ME3: variants seen among roughly 807,000 people sequenced by gnomAD.
The protein encoded by ME3 is malic enzyme 3, also known as NADP-dependent malic enzyme, mitochondrial.
A neutral mutation model predicts 68.9 loss-of-function variants in ME3; 48 were observed. The observed-to-expected ratio is 0.70, with a 90% CI of 0.55 to 0.89. ME3 has a LOEUF of 0.89. Ranked by LOEUF, ME3 falls within the 40% of genes least tolerant of loss-of-function variation. The probability of loss-of-function intolerance (pLI) is 0.00; values close to 1 mark genes in which losing one functional copy is unlikely to be tolerated. For synonymous variants in ME3, 320 were observed against 318.8 expected, an observed-to-expected ratio of 1.00 and a Z score of -0.04; for missense variants, 675 against 797.4, an observed-to-expected ratio of 0.85 and a Z score of 1.85.
chr11:86,551,955 G>A (rs1218040587), intron 4 of ME3, among the ~76,000 whole-genome samples: 2 of 152,188 alleles, frequency 1.3e-5, no homozygotes, highest in African/African-American at 4.8e-5. Context: ...TGCTAGTTAA[G>A]TGCAAGTACA....
intron 14 of ME3, among the ~76,000 whole-genome samples, chr11:86,442,004 G>A (rs902275333): frequency 2.6e-5 from 4 of 152,164 alleles, no homozygotes; most frequent in Non-Finnish European, 5.9e-5. Context: ...TCTGGATTCT[G>A]TACCAGACAA....
intron 5 of ME3, among the ~76,000 whole-genome samples, chr11:86,502,776 G>C (rs1274736519): frequency 1.3e-5 from 2 of 152,164 alleles, no homozygotes; most frequent in Admixed American, 6.5e-5. Flanking sequence ...GGGGAGGTTT[G>C]GGGGAGGCTG....
At chr11:86,446,479 C>A (rs1949303193) in exon 13 of ME3, 3 of 1,614,094 alleles carry the variant, frequency 1.9e-6, no homozygotes, top group Non-Finnish European at 2.5e-6. Flanking sequence ...TGGCAAAAAT[C>A]CCTCGGCCCT....
At chr11:86,501,175 T>TATTATAATAATAATAATA (rs1555215053) in intron 5 of ME3, among the ~76,000 whole-genome samples, 1 of 147,138 alleles carries the variant, frequency 6.8e-6, no homozygotes, top group Non-Finnish European at 1.5e-5. Context: ...ATAAAATGCA[T>TATTATAATAATAATAATA]ATAATAATAA....
intron 5 of ME3, among the ~76,000 whole-genome samples, chr11:86,504,695 T>G (rs981381874): frequency 6.7e-6 from 1 of 148,380 alleles, no homozygotes; most frequent in Non-Finnish European, 1.5e-5. Context: ...TGCCCAGCCC[T>G]TTTTTGTTTT....
intron 7 of ME3, among the ~76,000 whole-genome samples, chr11:86,472,801 T>G (rs1008248225): frequency 1.3e-5 from 2 of 152,138 alleles, no homozygotes; most frequent in African/African-American, 4.8e-5. Flanking sequence ...GATTTAATAA[T>G]AGACCAGATA....
At chr11:86,643,044 A>G (rs1944767833) in intron 2 of ME3, among the ~76,000 whole-genome samples, 1 of 152,054 alleles carries the variant, frequency 6.6e-6, no homozygotes, top group African/African-American at 2.4e-5. Context: ...TACTGCTGTT[A>G]TGGAGCTCAA....
At chr11:86,479,163 C>G (rs1464642662) in intron 7 of ME3, among the ~76,000 whole-genome samples, 1 of 152,198 alleles carries the variant, frequency 6.6e-6, no homozygotes, top group African/African-American at 2.4e-5. Context: ...AATTCGTTCT[C>G]TCTTCTGAAT....
In ME3 at chr11:86,508,889, C is replaced by T. The variant is rs751885975; in HGVS notation, c.468-22G>A. 1.3e-5 allele frequency: 20 copies of T among 1,587,376 alleles called. No homozygotes were observed. The African/African-American group carries it at 2.2e-4, about 17-fold the overall frequency. On this transcript the variant is annotated intron_variant, in intron 4 of 14. Coordinates refer to ENST00000543262, the Ensembl canonical transcript of ME3. ...TCCACTAAAAGAAATAAAACACGTA[C>T]ACACAGAGAAACCAGGCAGTCAGAT...
intron 7 of ME3, among the ~76,000 whole-genome samples, chr11:86,485,766 C>T (rs549151697): frequency 2.6e-4 from 40 of 152,312 alleles, no homozygotes; most frequent in African/African-American, 8.2e-4. Context: ...TGCTCTTTCC[C>T]GTTTTCTCTT....
At chr11:86,551,168 T>C (rs997608974) in intron 4 of ME3, among the ~76,000 whole-genome samples, 1 of 152,038 alleles carries the variant, frequency 6.6e-6, no homozygotes, top group African/African-American at 2.4e-5. Context: ...GAAAAAGTAA[T>C]ACCCCTCCTT....
intron 2 of ME3, among the ~76,000 whole-genome samples, chr11:86,585,927 A>G (rs1405080406): frequency 6.6e-6 from 1 of 152,300 alleles, no homozygotes; most frequent in African/African-American, 2.4e-5. Context: ...GGAAGGCGTG[A>G]CCAACACTGC....
At chr11:86,447,452 G>A (rs1484365246) in intron 11 of ME3, among the ~76,000 whole-genome samples, 2 of 152,180 alleles carry the variant, frequency 1.3e-5, no homozygotes, top group Non-Finnish European at 2.9e-5. Flanking sequence ...CTGCTCCTGT[G>A]AAGGCATTCC....
At chr11:86,473,853 A>G (rs958719545) in intron 7 of ME3, among the ~76,000 whole-genome samples, 1 of 152,236 alleles carries the variant, frequency 6.6e-6, no homozygotes, top group African/African-American at 2.4e-5. Context: ...AATTGGGCAT[A>G]ATGATTATCT....
intron 4 of ME3, among the ~76,000 whole-genome samples, chr11:86,546,405 A>C (rs139249022): frequency 6.6e-6 from 1 of 152,200 alleles, no homozygotes; most frequent in Admixed American, 6.5e-5. Flanking sequence ...AAAATTTTGC[A>C]ATCTATCCAT....
At chr11:86,633,055 A>G (rs989046374) in intron 2 of ME3, among the ~76,000 whole-genome samples, 1 of 152,182 alleles carries the variant, frequency 6.6e-6, no homozygotes, top group Non-Finnish European at 1.5e-5. Flanking sequence ...AACTGCTGTG[A>G]GTCCGATATG....
chr11:86,558,878 G>A (rs1347328547), intron 3 of ME3, among the ~76,000 whole-genome samples: 1 of 152,156 alleles, frequency 6.6e-6, no homozygotes, highest in Non-Finnish European at 1.5e-5. Context: ...ACCCATAGAG[G>A]CTAAGTAACT....
At chr11:86,450,993 G>T (rs973194847) in intron 8 of ME3, among the ~76,000 whole-genome samples, 1 of 152,140 alleles carries the variant, frequency 6.6e-6, no homozygotes, top group Non-Finnish European at 1.5e-5. Flanking sequence ...GCCTCACTGG[G>T]GATTCCTTAA....
At chr11:86,592,828 A>C (rs1243245245) in intron 2 of ME3, among the ~76,000 whole-genome samples, 1 of 152,188 alleles carries the variant, frequency 6.6e-6, no homozygotes, top group Non-Finnish European at 1.5e-5. Context: ...GATTTGGGGA[A>C]TATACCACCT....
Sources: gnomAD v4.1 joint callset for allele counts (sites outside exome capture counted in the v4.1 genomes callset) on GRCh38, gnomAD v4.1.1 for gene constraint, MANE v1.5 for transcripts, NCBI Gene and HGNC (gene_info 2026-07-23, HGNC 2026-07-21) for gene names.